BICDL2: variants seen among roughly 807,000 people sequenced by gnomAD.
BICDL2 encodes BICD family-like cargo adapter 2.
BICDL2 carries 62 observed loss-of-function variants against 56.6 expected under a neutral mutation model. That is an observed-to-expected ratio of 1.10 (90% CI 0.89 to 1.35). The LOEUF (loss-of-function observed/expected upper bound fraction) is 1.35, where lower values mean the gene tolerates loss of function less well. Ranked by LOEUF, BICDL2 falls within the 40% of genes most tolerant of loss-of-function variation. BICDL2 has a pLI of 0.00. For missense variants in BICDL2, 808 were observed against 684.5 expected, an observed-to-expected ratio of 1.18 and a Z score of -2.01; for synonymous variants, 358 against 319.8, an observed-to-expected ratio of 1.12 and a Z score of -1.27.
chr16:3,031,193 A>G (rs969428026), intron 2 of BICDL2, 43 bp from the exon 3 acceptor site: 8 of 1,501,354 alleles, frequency 5.3e-6, no homozygotes, highest in African/African-American at 1.4e-5. Context: ...AGAGGCACCG[A>G]TGAGACTGGG....
chr16:3,034,505 G>A (rs989504157), intron 2 of BICDL2, among the ~76,000 whole-genome samples: 1 of 151,934 alleles, frequency 6.6e-6, no homozygotes, highest in Non-Finnish European at 1.5e-5. Context: ...TGGTCTTGAA[G>A]TCCCGACCTC....
intron 1 of BICDL2, chr16:3,035,921 TG>T (rs1955728065): frequency 3.4e-6 from 1 of 294,734 alleles, no homozygotes; most frequent in Non-Finnish European, 6.6e-6. Context: ...CAGTTGGAGT[TG>T]GGCCCAGCCT....
At position 3,027,960 on chromosome 16, in the gene BICDL2, CTGCTCCCGATGAGCCCT is replaced by C. The variant is rs1172628097; in HGVS notation, c.*129_*145del. The C allele has an allele frequency of 8.1e-7, 1 of 1,231,734 alleles. No individual in the cohort carries two copies. Among genetic ancestry groups the C allele is most frequent in the African/African-American group, 1.6e-5 (1 of 62,784 alleles). 76.3% of individuals were successfully genotyped at this position (1,231,734 alleles called of 1,614,324 possible). ...GCTGGCCCCTGCTCCGGATGAGCCCCTGCTCCCGATGAGCCCTTGCCCAGCATCCTGGGGCGGGGAGG... is the reference window on the plus strand; with the variant it reads ...GCTGGCCCCTGCTCCGGATGAGCCCCTGCCCAGCATCCTGGGGCGGGGAGG... On this transcript the variant is annotated 3_prime_UTR_variant, in exon 10 of 10. Coordinates refer to ENST00000572449, the MANE Select transcript of BICDL2 (RefSeq NM_001369667.1).
At chr16:3,036,132 C>G (rs896499005) in intron 1 of BICDL2, 1 of 399,288 alleles carries the variant, frequency 2.5e-6, no homozygotes, top group South Asian at 1.8e-5. Flanking sequence ...CAATGTCCCC[C>G]ACCAAGGATT....
At position 3,030,701 on chromosome 16, in the gene BICDL2, C is replaced by T; in HGVS notation, c.610G>A (p.Gly204Arg). 1 of 1,611,424 alleles carries T rather than the reference C, an allele frequency of 6.2e-7. No homozygotes were observed. The highest frequency in any genetic ancestry group is 2.2e-5 in the East Asian group (1 of 44,818). The stretch of plus-strand genomic sequence containing the variant: ...CAGCCCCAGCTGACACTCACTTCCC[C>T]CTGCAGACTCTCCAGCCGCGTCCTC... ...ELRTRLESLQ[G>R]ENQMLQSRRQ... The change falls in exon 4 of 10, where the codon GGG (glycine) becomes AGG (arginine). Residue 204 changes from glycine (G) to arginine (R), a missense_variant. Coordinates refer to ENST00000572449, the MANE Select transcript of BICDL2 (RefSeq NM_001369667.1).
rs745310796 is a variant in BICDL2, at chr16:3,028,824, G to A, written c.1114C>T (p.Leu372=). Reference sequence around the variant, plus strand: ...AGGGACTGCAGCTCTGCCTGCTGCAGCGAGATCTGTGAGCAGAGGAGGGGG... The same window carrying A: ...AGGGACTGCAGCTCTGCCTGCTGCAACGAGATCTGTGAGCAGAGGAGGGGG... ...EVAKLQDEIS[L]QQAELQSLRE... is the part of the protein sequence containing the mutation. Residue 372 remains leucine (L), a synonymous_variant, in exon 8 of 10, where the codon CTG becomes TTG. Transcript: ENST00000572449. The A allele has an allele frequency of 3.2e-6, 5 of 1,549,226 alleles. No individual in the cohort carries two copies. Among genetic ancestry groups the A allele is most frequent in the South Asian group, 2.4e-5 (2 of 84,404 alleles).
chr16:3,030,921 C>A lies in BICDL2; in HGVS notation c.498+14G>T. 1 of 1,545,464 alleles carries A rather than the reference C, an allele frequency of 6.5e-7. No homozygotes were observed. The highest frequency in any genetic ancestry group is 8.7e-7 in the Non-Finnish European group (1 of 1,150,984). ...CCAACCTTGTCCAGGGCCCTGGGGT[C>A]AGGGCCATCCCACCTGAGCCAGCTG... On this transcript the variant is annotated intron_variant, in intron 3 of 9. Transcript: ENST00000572449.
chr16:3,034,044 A>G (rs1046653280), intron 2 of BICDL2, among the ~76,000 whole-genome samples: 1 of 152,176 alleles, frequency 6.6e-6, no homozygotes, highest in African/African-American at 2.4e-5. Flanking sequence ...TGTGAGCCCC[A>G]GAGCAAGAAG....
intron 5 of BICDL2, 45 bp from the exon 6 acceptor site, chr16:3,029,784 G>T (rs1030906395): frequency 2.1e-6 from 3 of 1,426,460 alleles, no homozygotes; most frequent in East Asian, 2.8e-5. Flanking sequence ...TCAGCGGGAC[G>T]CACGCAACGC....
rs1341695634 is a variant in BICDL2 at position 3,028,022 on chromosome 16, G to T, written c.*84C>A. 3 of 1,378,192 alleles carry T rather than the reference G, an allele frequency of 2.2e-6. No individual in the cohort carries two copies. The highest frequency in any genetic ancestry group is 2.8e-6 in the Non-Finnish European group (3 of 1,067,086). The allele number at this position is 1,378,192 out of a possible 1,614,324, so 85.4% of individuals were successfully genotyped here. ...GGGAGGGCATCAGCTTCTTTTGGAA[G>T]ACAATCTGGGCCCTGTCGCTCCATT... On this transcript the variant is annotated 3_prime_UTR_variant, in exon 10 of 10. Transcript: ENST00000572449.
intron 8 of BICDL2, 81 bp downstream of exon 8, chr16:3,028,619 A>T: frequency 7.1e-7 from 1 of 1,406,212 alleles, no homozygotes; most frequent in Non-Finnish European, 9.2e-7. Flanking sequence ...GGGGATCATT[A>T]TAACCCGTAT....
At chr16:3,031,788 G>C (rs1955660509) in intron 2 of BICDL2, 1 of 369,414 alleles carries the variant, frequency 2.7e-6, no homozygotes, top group East Asian at 3.9e-5. Flanking sequence ...CAGGTACCCT[G>C]CATTAGGGCT....
intron 5 of BICDL2, 161 bp downstream of exon 5, chr16:3,030,288 C>CA: frequency 1.1e-6 from 1 of 884,140 alleles, no homozygotes; most frequent in Non-Finnish European, 1.7e-6. Flanking sequence ...ACCTGCTCAA[C>CA]AGCCTTCCGT....
chr16:3,031,252 C>T (rs1388854788), intron 2 of BICDL2, 102 bp from the exon 3 acceptor site: 1 of 1,000,728 alleles, frequency 1.0e-6, no homozygotes, highest in Non-Finnish European at 1.4e-6. Context: ...GGGAGAAAGC[C>T]TAAGGGGGCC....
At chr16:3,031,178 G>A (rs771668992) in intron 2 of BICDL2, 28 bp from the exon 3 acceptor site, 3 of 1,523,824 alleles carry the variant, frequency 2.0e-6, no homozygotes, top group South Asian at 1.2e-5. Flanking sequence ...GAGGGACAGA[G>A]GCAGAGAGGC....
chr16:3,035,463 CGGACG>C lies in BICDL2; in HGVS notation c.29_33del (p.Pro10ArgfsTer34). On this transcript the variant is annotated frameshift_variant, in exon 2 of 10. Transcript: ENST00000572449. LOFTEE classifies it high-confidence loss of function. The stretch of plus-strand genomic sequence containing the variant: ...GGAGAGGCGCCCCCTGAGAGCGGCC[CGGACG>C]GGAAGCTGGGCCCATCTGGAGAGCT... The C allele has an allele frequency of 6.2e-7, 1 of 1,611,540 alleles. No individual in the cohort carries two copies. The highest frequency in any genetic ancestry group is 1.1e-5 in the South Asian group (1 of 91,034).
chr16:3,030,475 G>T lies in BICDL2; in HGVS notation c.736C>A (p.Arg246=), dbSNP rs377054828. 1 of 1,603,570 alleles carries T rather than the reference G, an allele frequency of 6.2e-7. No individual in the cohort carries two copies. Among genetic ancestry groups the T allele is most frequent in the Non-Finnish European group, 8.5e-7 (1 of 1,179,424 alleles). The change falls in exon 5 of 10, where the codon CGG becomes AGG. Residue 246 remains arginine, a synonymous_variant. Transcript: ENST00000572449. ...TCCAGGCTGTGCTCCCGCCGCTCCC[G>T]CCTCAGCAGCAGCAACTCCTCGTGG... ...TTHEELLLLR[R]ERREHSLELE... is the part of the protein sequence containing the mutation.
chr16:3,028,316 G>C, intron 9 of BICDL2, 32 bp downstream of exon 9: 1 of 1,447,348 alleles, frequency 6.9e-7, no homozygotes, highest in Non-Finnish European at 9.4e-7. Context: ...CCCGCCCCTT[G>C]CCCCGCCCCG....
At chr16:3,029,915 T>C in intron 5 of BICDL2, 176 bp from the exon 6 acceptor site, 1 of 574,796 alleles carries the variant, frequency 1.7e-6, no homozygotes. Flanking sequence ...TCAGCGGATA[T>C]ATACAGTTTC....
Sources: allele counts gnomAD v4.1 joint callset (sites outside exome capture counted in the v4.1 genomes callset), GRCh38; gene constraint gnomAD v4.1.1; transcripts MANE v1.5; gene names NCBI Gene and HGNC (gene_info 2026-07-23, HGNC 2026-07-21).